The following MVB12B variants were observed in gnomAD, a reference collection of about 807,000 sequenced individuals.
MVB12B encodes multivesicular body subunit 12B.
In MVB12B, 16 loss-of-function variants were observed where a neutral mutation model predicts 41.6. The observed-to-expected ratio is 0.38, with a 90% CI of 0.26 to 0.58. MVB12B has a LOEUF of 0.58. Among genes scored for constraint, MVB12B ranks in the 20% least tolerant of loss-of-function variants. The probability of loss-of-function intolerance (pLI) is 0.62; values close to 1 mark genes in which losing one functional copy is unlikely to be tolerated. For missense variants in MVB12B, 274 were observed against 380.2 expected, an observed-to-expected ratio of 0.72 and a Z score of 2.32; for synonymous variants, 133 against 139.7, an observed-to-expected ratio of 0.95 and a Z score of 0.34.
intron 7 of MVB12B, among the ~76,000 whole-genome samples, chr9:126,452,903 A>G (rs760265589): frequency 6.6e-6 from 1 of 152,110 alleles, no homozygotes; most frequent in South Asian, 2.1e-4. Context: ...ATTGCAGTCT[A>G]GTTCTTTCTC....
At chr9:126,414,837 T>G (rs1407216233) in intron 6 of MVB12B, among the ~76,000 whole-genome samples, 2 of 152,108 alleles carry the variant, frequency 1.3e-5, no homozygotes, top group South Asian at 2.1e-4. Flanking sequence ...TTTTTTAATT[T>G]TTATCTATTT....
chr9:126,344,623 C>T (rs1269651386), intron 2 of MVB12B, among the ~76,000 whole-genome samples: 6 of 152,204 alleles, frequency 3.9e-5, no homozygotes, highest in South Asian at 2.1e-4. Flanking sequence ...GGTTGGACAC[C>T]GCTCTCCCTG....
chr9:126,409,058 C>T (rs1014369837), intron 6 of MVB12B, among the ~76,000 whole-genome samples: 1 of 152,064 alleles, frequency 6.6e-6, no homozygotes. Context: ...GCTTTGCTGC[C>T]CCCACCTCCA....
At chr9:126,335,561 G>C (rs1476635699) in intron 1 of MVB12B, among the ~76,000 whole-genome samples, 1 of 152,234 alleles carries the variant, frequency 6.6e-6, no homozygotes, top group Non-Finnish European at 1.5e-5. Context: ...AAAGGTGTCA[G>C]TAATCCCGGG....
intron 4 of MVB12B, among the ~76,000 whole-genome samples, chr9:126,387,283 T>C (rs1220187471): frequency 6.6e-6 from 1 of 152,202 alleles, no homozygotes; most frequent in Non-Finnish European, 1.5e-5. Context: ...GTGATTCGGC[T>C]TCCTTGTTTT....
intron 5 of MVB12B, among the ~76,000 whole-genome samples, chr9:126,394,766 G>C (rs1312373564): frequency 6.6e-6 from 1 of 152,190 alleles, no homozygotes. Context: ...AAGCTTATTA[G>C]GGGTTCCCAC....
intron 3 of MVB12B, among the ~76,000 whole-genome samples, chr9:126,381,807 A>G (rs955243687): frequency 4.0e-5 from 6 of 151,866 alleles, no homozygotes; most frequent in Non-Finnish European, 7.4e-5. Flanking sequence ...AGCTTTGGTG[A>G]GTATCTGCTC....
chr9:126,354,648 T>G (rs1829834210), intron 2 of MVB12B, among the ~76,000 whole-genome samples: 1 of 152,152 alleles, frequency 6.6e-6, no homozygotes, highest in Non-Finnish European at 1.5e-5. Context: ...AGCATGTAAA[T>G]GACCACATGG....
At chr9:126,372,276 G>A (rs1158825636) in intron 2 of MVB12B, among the ~76,000 whole-genome samples, 1 of 152,178 alleles carries the variant, frequency 6.6e-6, no homozygotes, top group Non-Finnish European at 1.5e-5. Flanking sequence ...TTTATCAGTT[G>A]ATGAATGTTT....
chr9:126,327,317 C>T (rs555323860), intron 1 of MVB12B: 8 of 985,352 alleles, frequency 8.1e-6, no homozygotes, highest in Admixed American at 1.2e-4. Context: ...CCGAGAGCCA[C>T]CTCTGCCCGC....
chr9:126,398,565 C>G (rs1338404289), intron 6 of MVB12B, among the ~76,000 whole-genome samples: 1 of 152,242 alleles, frequency 6.6e-6, no homozygotes, highest in Non-Finnish European at 1.5e-5. Flanking sequence ...TCTTGCTACT[C>G]TTTTCTCAGG....
At chr9:126,446,095 G>T (rs979727280) in intron 7 of MVB12B, among the ~76,000 whole-genome samples, 1 of 152,066 alleles carries the variant, frequency 6.6e-6, no homozygotes. Context: ...ATTTGGAGGA[G>T]AGAGGGCTTG....
chr9:126,482,113 C>G (rs576846602), intron 8 of MVB12B, among the ~76,000 whole-genome samples: 25 of 152,360 alleles, frequency 1.6e-4, no homozygotes, highest in East Asian at 1.4e-3. Flanking sequence ...GGGCGGCCAC[C>G]CTGCATGGCA....
intron 7 of MVB12B, among the ~76,000 whole-genome samples, chr9:126,443,365 CT>C (rs769968352): frequency 2.4e-3 from 364 of 152,250 alleles, no homozygotes; most frequent in Non-Finnish European, 4.4e-3. Flanking sequence ...GAGGTTTTGC[CT>C]CAGGGTAGGA....
chr9:126,492,356 A>G (rs1204829126), intron 9 of MVB12B, among the ~76,000 whole-genome samples: 3 of 151,626 alleles, frequency 2.0e-5, no homozygotes, highest in African/African-American at 7.3e-5. Flanking sequence ...GCTGCAATAG[A>G]TTTCCTTGTA....
intron 7 of MVB12B, among the ~76,000 whole-genome samples, chr9:126,460,633 AG>A (rs1383912181): frequency 5.3e-5 from 8 of 152,048 alleles, no homozygotes; most frequent in African/African-American, 1.4e-4. Flanking sequence ...GGTCTGGAGA[AG>A]GGAGGGCCAA....
intron 7 of MVB12B, among the ~76,000 whole-genome samples, chr9:126,441,366 T>G (rs1255249092): frequency 6.6e-6 from 1 of 152,232 alleles, no homozygotes; most frequent in African/African-American, 2.4e-5. Flanking sequence ...ACCCTGTTTA[T>G]CTGTGTACTT....
At position 126,503,255 on chromosome 9, in the gene MVB12B, C is replaced by T; in HGVS notation, c.952C>T (p.Gln318Ter). 1.3e-6 allele frequency: 2 copies of T among 1,550,256 alleles called. No homozygotes were observed. The highest frequency in any genetic ancestry group is 1.7e-6 in the Non-Finnish European group (2 of 1,146,824). ...PSPTRCQQIP[Q>*]S The stretch of plus-strand genomic sequence containing the variant: ...CCCCACCAGGTGTCAGCAGATCCCG[C>T]AGTCCTGAGGAGCCAGCGGCCACCT... Residue 318 changes from glutamine to a stop codon, truncating the protein, a stop_gained, in exon 10 of 10, where the codon CAG becomes TAG. Transcript: ENST00000361171. LOFTEE classifies it high-confidence loss of function.
chr9:126,355,696 T>C (rs118007305), intron 2 of MVB12B, among the ~76,000 whole-genome samples: 1,635 of 152,330 alleles, frequency 0.011, 49 homozygotes, highest in East Asian at 0.068. Context: ...TTAATCAATT[T>C]AACCTATTCT....
Sources: gnomAD v4.1 joint callset for allele counts (sites outside exome capture counted in the v4.1 genomes callset) on GRCh38, gnomAD v4.1.1 for gene constraint, MANE v1.5 for transcripts, NCBI Gene and HGNC (gene_info 2026-07-23, HGNC 2026-07-21) for gene names.